The following STK31 variants were observed in gnomAD, a reference collection of about 807,000 sequenced individuals.
The protein encoded by STK31 is serine/threonine-protein kinase 31.
STK31 carries 89 observed loss-of-function variants against 129.7 expected under a neutral mutation model. That is an observed-to-expected ratio of 0.69 (90% CI 0.58 to 0.82). The LOEUF is 0.82. STK31 is among the 40% of genes least tolerant of loss of function. The pLI is 0.00. For missense variants in STK31, 1,187 were observed against 1,176.4 expected, an observed-to-expected ratio of 1.01 and a Z score of -0.13; for synonymous variants, 448 against 395.3, an observed-to-expected ratio of 1.13 and a Z score of -1.58.
intron 15 of STK31, among the ~76,000 whole-genome samples, chr7:23,774,342 T>C (rs140097094): frequency 0.13 from 19,891 of 152,146 alleles, 1,297 homozygotes; most frequent in East Asian, 0.22. Flanking sequence ...TTCTAGATCC[T>C]TGAGGAATTG....
intron 1 of STK31, 23 bp from the exon 2 acceptor site, chr7:23,712,076 T>A: frequency 1.3e-6 from 2 of 1,566,688 alleles, no homozygotes; most frequent in Non-Finnish European, 1.8e-6. Flanking sequence ...ATTATTGTAA[T>A]CTAATTTAAG....
intron 22 of STK31, among the ~76,000 whole-genome samples, chr7:23,802,862 C>T (rs1792465395): frequency 2.0e-5 from 3 of 151,988 alleles, no homozygotes; most frequent in Admixed American, 6.6e-5. Context: ...GCACAAAAGC[C>T]CTGCTGTGAT....
chr7:23,783,794 A>G (rs1232631572), intron 17 of STK31, 131 bp downstream of exon 17: 1 of 656,152 alleles, frequency 1.5e-6, no homozygotes, highest in African/African-American at 1.8e-5. Context: ...TTTTATGGGT[A>G]TTAGAACTTT....
Position 23,788,010 on chromosome 7 carries a change from C to T in STK31, c.2518C>T (p.Gln840Ter). Residue 840 changes from glutamine to a stop codon, truncating the protein, a stop_gained, in exon 21 of 24, where the codon CAG becomes TAG. Coordinates refer to ENST00000355870, the MANE Select transcript of STK31 (RefSeq NM_031414.5). LOFTEE classifies it high-confidence loss of function. The stretch of plus-strand genomic sequence containing the variant: ...TTTAAAGGTCATGAAAGGTGTTGCC[C>T]AGGGTCTGCATACATTGCATAAGGC... ...ETLKVMKGVAQGLHTLHKADI... is the reference protein window; with the variant it reads ...ETLKVMKGVA The T allele has an allele frequency of 1.3e-6, 2 of 1,589,124 alleles. No individual in the cohort carries two copies. Among genetic ancestry groups the T allele is most frequent in the Non-Finnish European group, 1.7e-6 (2 of 1,167,570 alleles).
At chr7:23,825,312 C>T (rs934258520) in intron 23 of STK31, among the ~76,000 whole-genome samples, 1 of 152,170 alleles carries the variant, frequency 6.6e-6, no homozygotes, top group Non-Finnish European at 1.5e-5. Flanking sequence ...CAACTTCTTC[C>T]TGGCTTAGTC....
intron 23 of STK31, among the ~76,000 whole-genome samples, chr7:23,819,914 A>G (rs558236725): frequency 6.6e-6 from 1 of 152,302 alleles, no homozygotes; most frequent in South Asian, 2.1e-4. Context: ...AGGTGATCCT[A>G]GAGAGTGATC....
rs746457517 is a variant in STK31, at chr7:23,770,987, G to A, written c.1714-18G>A. On this transcript the variant is annotated intron_variant, in intron 13 of 23. Transcript: ENST00000355870. ...GATATTCCTTTGTGTATAATTCTAT[G>A]TGTGTGATTTCATTTAGGATCAAGG... 3 of 1,603,448 alleles carry A rather than the reference G, an allele frequency of 1.9e-6. No individual in the cohort carries two copies. The highest frequency in any genetic ancestry group is 1.7e-6 in the Non-Finnish European group (2 of 1,175,712).
In STK31 at chr7:23,768,967, T is replaced by C. The variant is rs536741530; in HGVS notation, c.1417-28T>C. The C allele has an allele frequency of 6.0e-6, 9 of 1,510,648 alleles. No homozygotes were observed. In the South Asian group the frequency reaches 1.2e-4, roughly 20 times the overall value. The allele number at this position is 1,510,648 out of a possible 1,614,324, so 93.6% of individuals were successfully genotyped here. On this transcript the variant is annotated intron_variant, in intron 11 of 23. Coordinates refer to ENST00000355870, the MANE Select transcript of STK31 (RefSeq NM_031414.5). ...GAATCCTGAATTAGTTAATAAACTTTAATAAACAGAAGTATATCTCTCTGC... is the reference window on the plus strand; with the variant it reads ...GAATCCTGAATTAGTTAATAAACTTCAATAAACAGAAGTATATCTCTCTGC...
intron 4 of STK31, among the ~76,000 whole-genome samples, chr7:23,723,175 C>G (rs1786830543): frequency 6.6e-6 from 1 of 152,180 alleles, no homozygotes. Flanking sequence ...CAGACTGGAG[C>G]TGTTCCTATT....
chr7:23,783,577 C>G lies in STK31; in HGVS notation c.2068-6C>G, dbSNP rs1302136278. ...ACAGTTAAAAACTTTTTTTTTTTAACTTTAGGAGATGCTAACTAGTTTGGC... is the reference window on the plus strand; with the variant it reads ...ACAGTTAAAAACTTTTTTTTTTTAAGTTTAGGAGATGCTAACTAGTTTGGC... On this transcript the variant is annotated splice_polypyrimidine_tract_variant and splice_region_variant and intron_variant, in intron 16 of 23. Transcript: ENST00000355870. 1 of 1,589,888 alleles carries G rather than the reference C, an allele frequency of 6.3e-7. No individual in the cohort carries two copies. The highest frequency in any genetic ancestry group is 8.5e-7 in the Non-Finnish European group (1 of 1,172,424).
chr7:23,727,566 T>G (rs1408687736), intron 5 of STK31: 1 of 340,124 alleles, frequency 2.9e-6, no homozygotes, highest in Non-Finnish European at 5.3e-6. Context: ...CTTTTTTTTT[T>G]TTTTTTTTTT....
intron 23 of STK31, among the ~76,000 whole-genome samples, chr7:23,826,767 G>A (rs984401801): frequency 3.3e-5 from 5 of 152,034 alleles, no homozygotes; most frequent in Admixed American, 2.0e-4. Flanking sequence ...CTTCCTTCAC[G>A]AGCTCTTTTA....
intron 10 of STK31, among the ~76,000 whole-genome samples, chr7:23,759,190 CT>C (rs1660166808): frequency 6.6e-6 from 1 of 152,180 alleles, no homozygotes; most frequent in South Asian, 2.1e-4. Context: ...TAATGGGAGA[CT>C]TTAACACCCC....
intron 23 of STK31, among the ~76,000 whole-genome samples, chr7:23,831,042 T>G (rs1363385679): frequency 1.3e-5 from 2 of 152,244 alleles, no homozygotes; most frequent in Non-Finnish European, 2.9e-5. Context: ...GTTTTGTGGC[T>G]TAAGATATGG....
intron 8 of STK31, among the ~76,000 whole-genome samples, chr7:23,746,529 G>A (rs563438090): frequency 3.9e-5 from 6 of 152,084 alleles, no homozygotes. Flanking sequence ...AAATAACAGT[G>A]GCCTCTAGTG....
chr7:23,811,579 C>T (rs932061197), intron 22 of STK31: 11 of 197,242 alleles, frequency 5.6e-5, no homozygotes, highest in African/African-American at 2.6e-4. Flanking sequence ...CCTCCAGGCA[C>T]AGCCTGTTTG....
At chr7:23,785,717 G>T in intron 18 of STK31, 114 bp downstream of exon 18, 4 of 1,343,498 alleles carry the variant, frequency 3.0e-6, no homozygotes, top group Middle Eastern at 2.0e-4. Context: ...TGTATAAGTT[G>T]ACTGGCATGA....
chr7:23,727,236 T>C lies in STK31; in HGVS notation c.250-5T>C. On this transcript the variant is annotated splice_region_variant and splice_polypyrimidine_tract_variant and intron_variant, in intron 4 of 23. Coordinates refer to ENST00000355870, the MANE Select transcript of STK31 (RefSeq NM_031414.5). ...AAGTAATTTTGCTTTCTTTTCTCTT[T>C]GTAGATTTATGGTGGATTATTTTCT... 1 of 1,613,264 alleles carries C rather than the reference T, an allele frequency of 6.2e-7. No individual in the cohort carries two copies. Among genetic ancestry groups the C allele is most frequent in the Non-Finnish European group, 8.5e-7 (1 of 1,179,474 alleles).
intron 8 of STK31, among the ~76,000 whole-genome samples, chr7:23,746,271 C>G (rs1005410110): frequency 3.9e-5 from 6 of 152,146 alleles, no homozygotes; most frequent in Non-Finnish European, 7.3e-5. Context: ...GATCAAAGGT[C>G]CCTTTCGTGG....
Sources: allele counts gnomAD v4.1 joint callset (sites outside exome capture counted in the v4.1 genomes callset), GRCh38; gene constraint gnomAD v4.1.1; transcripts MANE v1.5; gene names NCBI Gene and HGNC (gene_info 2026-07-23, HGNC 2026-07-21).